Variants in RAD51B observed in about 807,000 individuals in gnomAD.
The protein encoded by RAD51B is RAD51 paralog B, also known as DNA repair protein RAD51 homolog 2.
RAD51B carries 38 observed loss-of-function variants against 42.2 expected under a neutral mutation model. That is an observed-to-expected ratio of 0.90 (90% CI 0.70 to 1.18). The LOEUF is 1.18. Ranked by LOEUF, RAD51B falls within the 50% of genes most tolerant of loss-of-function variation. The pLI is 0.00. For missense variants in RAD51B, 373 were observed against 400.7 expected, an observed-to-expected ratio of 0.93 and a Z score of 0.59; for synonymous variants, 154 against 145.2, an observed-to-expected ratio of 1.06 and a Z score of -0.43.
At chr14:68,366,690 G>T (rs143115339) in intron 8 of RAD51B, among the ~76,000 whole-genome samples, 161 of 152,300 alleles carry the variant, frequency 1.1e-3, no homozygotes, top group Non-Finnish European at 1.9e-3. Context: ...AACTGGCAGG[G>T]GTGGCTTTGG....
At chr14:68,615,012 A>G (rs1007056584), downstream of RAD51B, among the ~76,000 whole-genome samples, 1 of 152,180 alleles carries the variant, frequency 6.6e-6, no homozygotes, top group African/African-American at 2.4e-5. Flanking sequence ...AGCTGGGACT[A>G]CAGCTGCATG....
chr14:68,633,437 G>A (rs1418263886), intron 10 of RAD51B, among the ~76,000 whole-genome samples: 4 of 151,974 alleles, frequency 2.6e-5, no homozygotes, highest in South Asian at 2.1e-4. Context: ...CACTGCATTC[G>A]CATTCCCCCC....
At chr14:68,021,378 G>A (rs572396573) in intron 7 of RAD51B, among the ~76,000 whole-genome samples, 68 of 152,248 alleles carry the variant, frequency 4.5e-4, no homozygotes, top group African/African-American at 1.6e-3. Context: ...CCTGATTGGA[G>A]GTCTGGCTCT....
intron 10 of RAD51B, among the ~76,000 whole-genome samples, chr14:68,579,638 A>C (rs1235300677): frequency 1.3e-5 from 2 of 152,196 alleles, no homozygotes; most frequent in African/African-American, 4.8e-5. Flanking sequence ...TGGGTGGTCT[A>C]TATTTTACCT....
chr14:68,127,128 A>G (rs1160379420), intron 7 of RAD51B, among the ~76,000 whole-genome samples: 1 of 152,108 alleles, frequency 6.6e-6, no homozygotes, highest in African/African-American at 2.4e-5. Context: ...ATGTGCCTCA[A>G]ATTATATTTT....
At chr14:68,126,794 TA>T in intron 7 of RAD51B, among the ~76,000 whole-genome samples, 1 of 152,190 alleles carries the variant, frequency 6.6e-6, no homozygotes, top group Non-Finnish European at 1.5e-5. Context: ...TTCCCAGACT[TA>T]AAAGATATCA....
chr14:68,582,843 G>A (rs1028937335), intron 10 of RAD51B, among the ~76,000 whole-genome samples: 18 of 152,222 alleles, frequency 1.2e-4, no homozygotes, highest in African/African-American at 4.1e-4. Context: ...ATGAGTTCAT[G>A]TCCTTTGTAG....
intron 7 of RAD51B, among the ~76,000 whole-genome samples, chr14:68,170,923 C>G (rs978550133): frequency 6.6e-6 from 1 of 152,156 alleles, no homozygotes; most frequent in East Asian, 1.9e-4. Flanking sequence ...AGTTTTAGAC[C>G]AGGGTTTCCA....
At chr14:68,005,193 A>G (rs1171361322) in intron 7 of RAD51B, among the ~76,000 whole-genome samples, 1 of 151,672 alleles carries the variant, frequency 6.6e-6, no homozygotes, top group Non-Finnish European at 1.5e-5. Context: ...AGCTGGGATT[A>G]CAGGTGCATG....
At chr14:67,974,256 T>G (rs2074948669) in intron 7 of RAD51B, among the ~76,000 whole-genome samples, 1 of 152,092 alleles carries the variant, frequency 6.6e-6, no homozygotes, top group African/African-American at 2.4e-5. Flanking sequence ...GGAATTACAA[T>G]GAAGAGATAC....
chr14:68,189,932 C>T (rs1468699541), intron 7 of RAD51B, among the ~76,000 whole-genome samples: 7 of 152,178 alleles, frequency 4.6e-5, no homozygotes, highest in Non-Finnish European at 1.0e-4. Context: ...TCCCAAAGTG[C>T]TGGGATTACA....
At chr14:68,405,614 CT>C (rs2084249528) in intron 8 of RAD51B, among the ~76,000 whole-genome samples, 1 of 152,172 alleles carries the variant, frequency 6.6e-6, no homozygotes, top group East Asian at 1.9e-4. Flanking sequence ...CCTTTGGAAA[CT>C]TTTCTGTGGT....
intron 7 of RAD51B, among the ~76,000 whole-genome samples, chr14:67,917,355 G>T (rs887523372): frequency 6.6e-6 from 1 of 152,160 alleles, no homozygotes; most frequent in African/African-American, 2.4e-5. Context: ...GGCGAAGTGG[G>T]AGCAGGCCCA....
intron 8 of RAD51B, among the ~76,000 whole-genome samples, chr14:68,347,515 C>T (rs2082698837): frequency 1.3e-5 from 2 of 152,110 alleles, no homozygotes; most frequent in South Asian, 2.1e-4. Flanking sequence ...GGACCCATTC[C>T]GTATGAAAAA....
At chr14:67,907,868 C>T (rs1485174991) in intron 7 of RAD51B, among the ~76,000 whole-genome samples, 6 of 152,162 alleles carry the variant, frequency 3.9e-5, no homozygotes, top group South Asian at 2.1e-4. Context: ...GGGGCTGTGG[C>T]GCTGTTGGGC....
intron 10 of RAD51B, among the ~76,000 whole-genome samples, chr14:68,572,736 T>C (rs1437934257): frequency 3.3e-5 from 5 of 152,140 alleles, no homozygotes; most frequent in Admixed American, 2.0e-4. Context: ...AGGTGGTGAC[T>C]TCAATCTTGA....
intron 10 of RAD51B, among the ~76,000 whole-genome samples, chr14:68,578,424 A>T (rs1244149811): frequency 1.3e-5 from 2 of 152,156 alleles, no homozygotes; most frequent in African/African-American, 4.8e-5. Context: ...AAAAACAAAA[A>T]CAAAAAAAGG....
At chr14:68,446,420 A>T (rs915667429) in intron 9 of RAD51B, among the ~76,000 whole-genome samples, 3 of 152,116 alleles carry the variant, frequency 2.0e-5, no homozygotes, top group Admixed American at 1.3e-4. Context: ...ATTTTCCTGT[A>T]AGGAAACATG....
chr14:68,107,415 A>G (rs1435127227), intron 7 of RAD51B, among the ~76,000 whole-genome samples: 2 of 151,824 alleles, frequency 1.3e-5, no homozygotes, highest in Non-Finnish European at 3.0e-5. Flanking sequence ...TAAGATGGAA[A>G]TACTATCTAC....
Sources: allele counts gnomAD v4.1 joint callset (sites outside exome capture counted in the v4.1 genomes callset), GRCh38; gene constraint gnomAD v4.1.1; transcripts MANE v1.5; gene names NCBI Gene and HGNC (gene_info 2026-07-23, HGNC 2026-07-21).